Variants in CAMSAP2 observed in about 807,000 individuals in gnomAD.
The protein encoded by CAMSAP2 is calmodulin-regulated spectrin-associated protein 2.
A neutral mutation model predicts 146.1 loss-of-function variants in CAMSAP2; 26 were observed. That is an observed-to-expected ratio of 0.18 (90% CI 0.13 to 0.25). CAMSAP2 has a LOEUF of 0.25. CAMSAP2 is among the 10% of genes least tolerant of loss of function. The pLI is 1.00. For missense variants in CAMSAP2, 1,381 were observed against 1,759.3 expected (o/e 0.78, Z 3.85); for synonymous variants, 499 against 596.6 (o/e 0.84, Z 2.38).
chr1:200,835,515 C>T (rs915777868), intron 6 of CAMSAP2, among the ~76,000 whole-genome samples: 12 of 152,056 alleles, frequency 7.9e-5, no homozygotes, highest in South Asian at 2.1e-4. Context: ...AAGCAGAGAA[C>T]GAAATGGCAG....
Position 200,847,272 on chromosome 1 carries a change from A to G in CAMSAP2, c.1172A>G (p.Gln391Arg), listed in dbSNP as rs1338006288. 1.9e-6 allele frequency: 3 copies of G among 1,611,666 alleles called. No individual in the cohort carries two copies. The highest frequency in any genetic ancestry group is 3.3e-5 in the Admixed American group (2 of 59,858). ...HHLPSRYSRP[Q>R]AHSSASGGIR... Reference sequence around the variant, plus strand: ...TTGCCTTCTAGGTATTCACGTCCCCAGGCTCATTCTTCAGCCTCAGGTAAT... The same window carrying G: ...TTGCCTTCTAGGTATTCACGTCCCCGGGCTCATTCTTCAGCCTCAGGTAAT... The change falls in exon 9 of 17, where the codon CAG becomes CGG. Residue 391 changes from glutamine (Q) to arginine (R), a missense_variant. Gln to Arg is a conservative substitution (Grantham distance 43). This residue lies in a region of CAMSAP2 where 447 missense variants were observed against 462.2 expected (regional missense o/e 0.97). Coordinates refer to ENST00000358823, the MANE Select transcript of CAMSAP2 (RefSeq NM_203459.4).
At chr1:200,741,945 G>C (rs1245523603) in intron 1 of CAMSAP2, among the ~76,000 whole-genome samples, 1 of 152,188 alleles carries the variant, frequency 6.6e-6, no homozygotes, top group Non-Finnish European at 1.5e-5. Context: ...CACAGTGTTA[G>C]TAAGTGGCAG....
At chr1:200,817,271 T>TACACACAC (rs758187562) in intron 4 of CAMSAP2, among the ~76,000 whole-genome samples, 1 of 131,018 alleles carries the variant, frequency 7.6e-6, no homozygotes, top group Non-Finnish European at 1.7e-5. Flanking sequence ...TATACACACA[T>TACACACAC]ATATATATAT....
chr1:200,855,440 GTTC>G (rs1219154769), intron 14 of CAMSAP2, among the ~76,000 whole-genome samples: 1 of 151,964 alleles, frequency 6.6e-6, no homozygotes, highest in African/African-American at 2.4e-5. Context: ...TCATCTTAGA[GTTC>G]TTATCTTTGT....
intron 2 of CAMSAP2, among the ~76,000 whole-genome samples, chr1:200,775,150 G>T (rs182991611): frequency 2.4e-4 from 36 of 152,316 alleles, no homozygotes; most frequent in African/African-American, 8.7e-4. Flanking sequence ...GTTGATATTT[G>T]AACTGAGACC....
At chr1:200,767,182 A>G (rs1664976949) in intron 2 of CAMSAP2, among the ~76,000 whole-genome samples, 1 of 152,062 alleles carries the variant, frequency 6.6e-6, no homozygotes, top group Non-Finnish European at 1.5e-5. Context: ...AATACAAAAA[A>G]AAATTAGCTG....
intron 2 of CAMSAP2, among the ~76,000 whole-genome samples, chr1:200,789,287 A>G (rs1008645962): frequency 2.4e-4 from 36 of 152,056 alleles, no homozygotes; most frequent in African/African-American, 8.5e-4. Flanking sequence ...TTCTTCTGTT[A>G]TCTTCTAGAA....
Position 200,739,995 on chromosome 1 carries a change from C to T in CAMSAP2, c.139+29C>T. 6.2e-7 allele frequency: 1 copy of T among 1,611,638 alleles called. No homozygotes were observed. Among genetic ancestry groups the T allele is most frequent in the Non-Finnish European group, 8.5e-7 (1 of 1,178,410 alleles). On this transcript the variant is annotated intron_variant, in intron 1 of 16. Transcript: ENST00000358823. The surrounding 1 kb of genome is among the most constrained non-coding windows in gnomAD (Gnocchi z 4.8). ...AGTGGTGTCACCCTTTCCCTCCCCTCTTCCTCCTGATGTGGTCCACATCTC... is the reference window on the plus strand; with the variant it reads ...AGTGGTGTCACCCTTTCCCTCCCCTTTTCCTCCTGATGTGGTCCACATCTC...
intron 2 of CAMSAP2, among the ~76,000 whole-genome samples, chr1:200,780,263 T>C (rs1279627171): frequency 6.6e-6 from 1 of 152,330 alleles, no homozygotes; most frequent in East Asian, 1.9e-4. Context: ...CAGAGGTCGA[T>C]GTTTTATGTG....
At chr1:200,814,614 A>G (rs1473091680) in intron 3 of CAMSAP2, among the ~76,000 whole-genome samples, 1 of 91,030 alleles carries the variant, frequency 1.1e-5, no homozygotes, top group African/African-American at 4.7e-5. Context: ...CATCCCAAAA[A>G]AAAAAAAAAA....
At chr1:200,764,783 A>G (rs1341325687) in intron 2 of CAMSAP2, among the ~76,000 whole-genome samples, 1 of 152,168 alleles carries the variant, frequency 6.6e-6, no homozygotes, top group Non-Finnish European at 1.5e-5. Flanking sequence ...TCTTTTCTGT[A>G]GTTCCTTTTA....
rs771920815 is a variant in CAMSAP2 at position 200,848,961 on chromosome 1, C to T, written c.2192C>T (p.Pro731Leu). 6.2e-7 allele frequency: 1 copy of T among 1,614,076 alleles called. No homozygotes were observed. Among genetic ancestry groups the T allele is most frequent in the Non-Finnish European group, 8.5e-7 (1 of 1,179,978 alleles). The part of the protein sequence containing the change: ...IPHVVAWAQI[P>L]EETGLPQGRD... ...CATGTGGTTGCTTGGGCACAAATTC[C>T]AGAAGAAACAGGGCTTCCACAGGGA... The change falls in exon 11 of 17, where the codon CCA (proline) becomes CTA (leucine). Residue 731 changes from proline (P) to leucine (L), a missense_variant. Coordinates refer to ENST00000358823, the MANE Select transcript of CAMSAP2 (RefSeq NM_203459.4).
rs983644038 is a variant in CAMSAP2 at position 200,832,485 on chromosome 1, CTT to C, written c.787+151_787+152del. 35 of 859,114 alleles carry C rather than the reference CTT, an allele frequency of 4.1e-5. No individual in the cohort carries two copies. In the African/African-American group the frequency reaches 5.7e-4, roughly 14 times the overall value. 53.2% of individuals were successfully genotyped at this position (859,114 alleles called of 1,614,324 possible). The stretch of plus-strand genomic sequence containing the variant: ...AATATTATTTAATAAGTACTGAAGA[CTT>C]TTTTTTAAAAATAAAGAACATTTAT... On this transcript the variant is annotated intron_variant, in intron 5 of 16. Transcript: ENST00000358823. The surrounding 1 kb of genome is among the most constrained non-coding windows in gnomAD (Gnocchi z 4.2).
At chr1:200,854,986 A>T in intron 14 of CAMSAP2, 97 bp downstream of exon 14, 1 of 836,132 alleles carries the variant, frequency 1.2e-6, no homozygotes, top group Non-Finnish European at 1.8e-6. Flanking sequence ...TTTACATTTT[A>T]TAATGACCAA....
chr1:200,800,240 G>A (rs747332429), intron 2 of CAMSAP2, among the ~76,000 whole-genome samples: 6 of 151,906 alleles, frequency 3.9e-5, no homozygotes, highest in Non-Finnish European at 7.4e-5. Context: ...TTTCTATCTC[G>A]TTGATCTAAT....
intron 6 of CAMSAP2, among the ~76,000 whole-genome samples, chr1:200,836,733 C>G (rs949176292): frequency 6.6e-6 from 1 of 152,200 alleles, no homozygotes; most frequent in South Asian, 2.1e-4. Context: ...TCCTTTTTCT[C>G]TGCAACTTTG....
At chr1:200,772,766 A>G (rs1001984420) in intron 2 of CAMSAP2, among the ~76,000 whole-genome samples, 11 of 152,320 alleles carry the variant, frequency 7.2e-5, no homozygotes, top group East Asian at 3.9e-4. Flanking sequence ...CAAATTACCA[A>G]TAGCATCTAT....
chr1:200,777,018 C>G (rs1225948878), intron 2 of CAMSAP2, among the ~76,000 whole-genome samples: 2 of 152,074 alleles, frequency 1.3e-5, no homozygotes, highest in Non-Finnish European at 2.9e-5. Context: ...TTTCTCAGAG[C>G]TCCTCTTAAT....
chr1:200,854,919 A>T, intron 14 of CAMSAP2, 30 bp downstream of exon 14: 1 of 1,503,916 alleles, frequency 6.6e-7, no homozygotes, highest in Non-Finnish European at 9.2e-7. Flanking sequence ...ATATTTTTAC[A>T]GAAAAGAATA....
Sources: gnomAD v4.1 joint callset for allele counts (sites outside exome capture counted in the v4.1 genomes callset) on GRCh38, gnomAD v4.1.1 for gene constraint, gnomAD v4.1.1 regional missense constraint, Gnocchi (gnomAD v3.1) non-coding constraint, MANE v1.5 for transcripts, NCBI Gene and HGNC (gene_info 2026-07-23, HGNC 2026-07-21) for gene names.